NMT2: variants seen among roughly 807,000 people sequenced by gnomAD.
NMT2 encodes N-myristoyltransferase 2.
Under a neutral mutation model 65.4 loss-of-function variants are expected in NMT2, and 35 were observed. That is an observed-to-expected ratio of 0.54 (90% CI 0.41 to 0.71). NMT2 has a LOEUF of 0.71. Among genes scored for constraint, NMT2 ranks in the 30% least tolerant of loss-of-function variants. The probability of loss-of-function intolerance (pLI) is 0.00; values close to 1 mark genes in which losing one functional copy is unlikely to be tolerated. For missense variants in NMT2, 489 were observed against 611.3 expected (o/e 0.80, Z 2.11); for synonymous variants, 226 against 231.8 (o/e 0.98, Z 0.23).
chr10:15,142,828 A>G (rs982627407), intron 1 of NMT2, among the ~76,000 whole-genome samples: 2 of 152,190 alleles, frequency 1.3e-5, no homozygotes, highest in African/African-American at 4.8e-5. Flanking sequence ...AAACAAACAT[A>G]TCACAGCCAG....
chr10:15,112,338 C>T lies in NMT2; in HGVS notation c.1338+458G>A, dbSNP rs1845589603. ...CTGCCTCCCAGGTTCAAGCAATTCT[C>T]CTGCCTCAGCCTCCCGAGTAGCTGG... is the stretch of plus-strand genomic sequence containing the variant. On this transcript the variant is annotated intron_variant, in intron 10 of 11. Coordinates refer to ENST00000378165, the MANE Select transcript of NMT2 (RefSeq NM_004808.3). Among the ~76,000 whole-genome samples the T allele has an allele frequency of 2.8e-5, 4 of 144,996 alleles. No homozygotes were observed. The South Asian group carries it at 6.8e-4, about 25-fold the overall frequency.
intron 9 of NMT2, among the ~76,000 whole-genome samples, chr10:15,115,912 A>G (rs1475407547): frequency 6.6e-6 from 1 of 152,234 alleles, no homozygotes; most frequent in Non-Finnish European, 1.5e-5. Flanking sequence ...GTGAGTATCA[A>G]ACAAGAGGCC....
chr10:15,126,822 ATGT>A (rs1281210718), intron 8 of NMT2, among the ~76,000 whole-genome samples: 1 of 152,214 alleles, frequency 6.6e-6, no homozygotes, highest in Non-Finnish European at 1.5e-5. Flanking sequence ...GTGATAATAA[ATGT>A]TGTTTTAAGC....
At position 15,143,110 on chromosome 10, in the gene NMT2, T is replaced by C. The variant is rs74528921; in HGVS notation, c.111-1553A>G. ...TGTGGAATGAATGAGTGGATAAGTCTGGCTCTAGAGGTGGTGCCATCACAT... is the reference window on the plus strand; with the variant it reads ...TGTGGAATGAATGAGTGGATAAGTCCGGCTCTAGAGGTGGTGCCATCACAT... On this transcript the variant is annotated intron_variant, in intron 1 of 11. Transcript: ENST00000378165. Among the ~76,000 whole-genome samples the C allele has an allele frequency of 6.5e-3, 993 of 152,338 alleles. 6 individuals are homozygous for C. The highest frequency in any genetic ancestry group is 0.023 in the African/African-American group (943 of 41,572).
At position 15,130,253 on chromosome 10, in the gene NMT2, C is replaced by T. The variant is rs757805467; in HGVS notation, c.779G>A (p.Arg260Gln). 4 of 1,607,016 alleles carry T rather than the reference C, an allele frequency of 2.5e-6. No homozygotes were observed. Among genetic ancestry groups the T allele is most frequent in the Admixed American group, 1.7e-5 (1 of 59,400 alleles). ...CTCTCGGATTAGCACTGGGGCTACC[C>T]GTTTCGATCTCAACTTCTTATGAAC... Reference protein sequence around the residue: ...LCVHKKLRSKRVAPVLIREIT... With the variant: ...LCVHKKLRSKQVAPVLIREIT... Residue 260 changes from arginine (R) to glutamine (Q), a missense_variant, in exon 7 of 12, where the codon CGG becomes CAG. Transcript: ENST00000378165.
chr10:15,112,216 A>ATTT (rs869310724), intron 10 of NMT2, among the ~76,000 whole-genome samples: 1 of 12,254 alleles, frequency 8.2e-5, no homozygotes, highest in East Asian at 3.0e-3. Flanking sequence ...ATATATATAT[A>ATTT]TTTTTTTTTT....
At position 15,107,502 on chromosome 10, in the gene NMT2, G is replaced by C. The variant is rs1444577907; in HGVS notation, c.*1693C>G. On this transcript the variant is annotated 3_prime_UTR_variant, in exon 12 of 12. Transcript: ENST00000378165. ...GAGTCTTGCACTGTCACCCAGGCTG[G>C]AGTGCAGTGGCACGATCTTGGCTCA... The C allele has an allele frequency of 3.2e-6, 3 of 925,940 alleles. No individual in the cohort carries two copies. The highest frequency in any genetic ancestry group is 9.9e-5 in the South Asian group (2 of 20,204). The allele number at this position is 925,940 out of a possible 1,614,324, so 57.4% of individuals were successfully genotyped here.
intron 1 of NMT2, among the ~76,000 whole-genome samples, chr10:15,153,213 G>T (rs548452453): frequency 9.2e-5 from 14 of 152,276 alleles, no homozygotes; most frequent in African/African-American, 3.1e-4. Context: ...TTGAAGTCAG[G>T]AGTTCCAGGC....
chr10:15,151,038 T>G (rs549643687), intron 1 of NMT2, among the ~76,000 whole-genome samples: 1 of 152,052 alleles, frequency 6.6e-6, no homozygotes, highest in South Asian at 2.1e-4. Flanking sequence ...GGAATGTATA[T>G]TCTATCTCAT....
chr10:15,107,363 T>G lies in NMT2; in HGVS notation c.*1832A>C, dbSNP rs1845340676. Reference sequence around the variant, plus strand: ...TAAGATATGATTGGTTTCACTGGACTCATAACTTGAAGGAAATGCCATCAT... The same window carrying G: ...TAAGATATGATTGGTTTCACTGGACGCATAACTTGAAGGAAATGCCATCAT... On this transcript the variant is annotated 3_prime_UTR_variant, in exon 12 of 12. Coordinates refer to ENST00000378165, the MANE Select transcript of NMT2 (RefSeq NM_004808.3). 1.0e-6 allele frequency: 1 copy of G among 985,326 alleles called. No homozygotes were observed. The highest frequency in any genetic ancestry group is 6.1e-5 in the Admixed American group (1 of 16,266). The allele number at this position is 985,326 out of a possible 1,614,324, so 61.0% of individuals were successfully genotyped here.
chr10:15,120,073 C>CAG (rs1845877181), intron 8 of NMT2, among the ~76,000 whole-genome samples: 5 of 152,178 alleles, frequency 3.3e-5, no homozygotes, highest in African/African-American at 1.2e-4. Context: ...GACTTTTTTT[C>CAG]TTGTCATTAT....
intron 9 of NMT2, among the ~76,000 whole-genome samples, chr10:15,115,822 G>A (rs1163386508): frequency 6.6e-6 from 1 of 152,106 alleles, no homozygotes; most frequent in Non-Finnish European, 1.5e-5. Context: ...CCAGAGCAAG[G>A]AAAATTATTA....
intron 1 of NMT2, 121 bp downstream of exon 1, chr10:15,168,382 A>T: frequency 1.4e-6 from 1 of 718,312 alleles, no homozygotes; most frequent in Non-Finnish European, 2.3e-6. Flanking sequence ...GCCACGGAGA[A>T]GCCATCGCGG....
At chr10:15,132,994 C>T (rs1259620047) in intron 5 of NMT2, 59 bp downstream of exon 5, 18 of 1,592,984 alleles carry the variant, frequency 1.1e-5, no homozygotes, top group South Asian at 5.5e-5. Flanking sequence ...CAGGAACAGA[C>T]GCAGGAGTCC....
intron 1 of NMT2, among the ~76,000 whole-genome samples, chr10:15,145,545 A>G (rs1846933097): frequency 6.6e-6 from 1 of 151,934 alleles, no homozygotes; most frequent in Non-Finnish European, 1.5e-5. Context: ...ACGTCCAGCT[A>G]ATTTTTATAT....
At chr10:15,125,654 G>A (rs535916559) in intron 8 of NMT2, among the ~76,000 whole-genome samples, 35 of 152,180 alleles carry the variant, frequency 2.3e-4, no homozygotes, top group Non-Finnish European at 4.6e-4. Context: ...ATGTATGTAC[G>A]TATGTATTTA....
intron 9 of NMT2, among the ~76,000 whole-genome samples, chr10:15,118,432 G>A (rs573203133): frequency 1.3e-5 from 2 of 152,230 alleles, no homozygotes; most frequent in African/African-American, 2.4e-5. Context: ...CCAGCTACTC[G>A]GGAGGCGGAG....
chr10:15,152,966 A>G (rs1832854400), intron 1 of NMT2, among the ~76,000 whole-genome samples: 1 of 152,232 alleles, frequency 6.6e-6, no homozygotes. Context: ...GTCTACTAAT[A>G]GGGGATGGAT....
At chr10:15,159,396 A>ATATTTATTTTATTTATTTATT (rs1554826543) in intron 1 of NMT2, among the ~76,000 whole-genome samples, 1 of 149,214 alleles carries the variant, frequency 6.7e-6, no homozygotes, top group African/African-American at 2.5e-5. Context: ...CCTCCTTAAA[A>ATATTTATTTTATTTATTTATT]TATTTATTTA....
Sources: gnomAD v4.1 joint callset for allele counts (sites outside exome capture counted in the v4.1 genomes callset) on GRCh38, gnomAD v4.1.1 for gene constraint, MANE v1.5 for transcripts, NCBI Gene and HGNC (gene_info 2026-07-23, HGNC 2026-07-21) for gene names.